Variants in MECOM observed in about 807,000 individuals in gnomAD.
MECOM encodes histone-lysine N-methyltransferase MECOM.
Under a neutral mutation model 116.3 loss-of-function variants are expected in MECOM, and 13 were observed. The observed-to-expected ratio is 0.11, with a 90% CI of 0.07 to 0.18. MECOM has a LOEUF of 0.18. Ranked by LOEUF, MECOM falls within the 10% of genes least tolerant of loss-of-function variation. MECOM has a pLI of 1.00. For missense variants in MECOM, 1,299 were observed against 1,509.0 expected (o/e 0.86, Z 2.31); for synonymous variants, 528 against 535.2 (o/e 0.99, Z 0.19).
At chr3:169,149,948 TG>T (rs1740911548) in intron 2 of MECOM, among the ~76,000 whole-genome samples, 1 of 148,380 alleles carries the variant, frequency 6.7e-6, no homozygotes, top group Non-Finnish European at 1.5e-5. Context: ...TGTGTGTGTG[TG>T]TGTGTGTGTG....
In MECOM at chr3:169,310,752, A is replaced by G. The variant is rs1042428137; in HGVS notation, c.375+70435T>C. On this transcript the variant is annotated intron_variant, in intron 2 of 16. Transcript: ENST00000651503. ...CACCACACACACATGCACACATGCG[A>G]TGACCTGTTCTCCTTTTAAATCTTA... Among the ~76,000 whole-genome samples the G allele has an allele frequency of 2.6e-5, 4 of 152,220 alleles. No individual in the cohort carries two copies. In the East Asian group the frequency reaches 7.7e-4, roughly 29 times the overall value.
At chr3:169,158,168 CT>C (rs1343608925) in intron 2 of MECOM, among the ~76,000 whole-genome samples, 1 of 152,140 alleles carries the variant, frequency 6.6e-6, no homozygotes, top group Non-Finnish European at 1.5e-5. Context: ...AGCTACGTAA[CT>C]TTTAAAAAAT....
Position 169,304,744 on chromosome 3 carries a change from C to T in MECOM, c.375+76443G>A, listed in dbSNP as rs1577654314. Among the ~76,000 whole-genome samples the T allele has an allele frequency of 2.0e-5, 3 of 152,306 alleles. No homozygotes were observed. The South Asian group carries it at 6.2e-4, about 32-fold the overall frequency. On this transcript the variant is annotated intron_variant, in intron 2 of 16. Coordinates refer to ENST00000651503, the MANE Select transcript of MECOM (RefSeq NM_004991.4). ...ATTAAGAAAGCCTTTCATTAGTTTG[C>T]TGATTATAAATATAACTTTGGTGTA...
chr3:169,355,455 C>T (rs543268600), intron 2 of MECOM, among the ~76,000 whole-genome samples: 1 of 151,968 alleles, frequency 6.6e-6, no homozygotes, highest in East Asian at 2.0e-4. Flanking sequence ...TAATCTTCTA[C>T]CAAACAACTT....
chr3:169,084,667 G>T lies in MECOM; in HGVS notation c.*242C>A, dbSNP rs932866600. On this transcript the variant is annotated 3_prime_UTR_variant, in exon 17 of 17. Transcript: ENST00000651503. ...TGTTTTCACTGAATCACTTTAAGTC[G>T]CATTGATTGATCTTCCAGAAGTCAG... The T allele has an allele frequency of 9.3e-6, 4 of 431,664 alleles. No individual in the cohort carries two copies. The highest frequency in any genetic ancestry group is 2.0e-5 in the African/African-American group (1 of 50,298). 26.7% of individuals were successfully genotyped at this position (431,664 alleles called of 1,614,324 possible).
chr3:169,301,091 G>C (rs1716633202), intron 2 of MECOM, among the ~76,000 whole-genome samples: 1 of 152,154 alleles, frequency 6.6e-6, no homozygotes, highest in South Asian at 2.1e-4. Flanking sequence ...ATGTTAGTTG[G>C]CTAATGTGGA....
At chr3:169,368,603 A>G (rs1296670833) in intron 2 of MECOM, among the ~76,000 whole-genome samples, 2 of 151,998 alleles carry the variant, frequency 1.3e-5, no homozygotes, top group African/African-American at 4.8e-5. Context: ...TCTAAGATAG[A>G]TTTGAATTGG....
intron 1 of MECOM, among the ~76,000 whole-genome samples, chr3:169,425,100 C>CCT (rs1553849467): frequency 2.9e-5 from 1 of 34,540 alleles, no homozygotes; most frequent in Non-Finnish European, 6.1e-5. Context: ...TTTGCAGAAA[C>CCT]CCCCCCCCAC....
chr3:169,549,647 C>T (rs1262729127), intron 1 of MECOM, among the ~76,000 whole-genome samples: 1 of 152,138 alleles, frequency 6.6e-6, no homozygotes, highest in African/African-American at 2.4e-5. Context: ...TGCCTGAGGC[C>T]CACCTTCTTG....
At chr3:169,584,244 T>C (rs1362792669) in intron 1 of MECOM, among the ~76,000 whole-genome samples, 2 of 152,280 alleles carry the variant, frequency 1.3e-5, no homozygotes, top group African/African-American at 2.4e-5. Context: ...AGAGTTGTTT[T>C]TTTAAGAAAC....
At chr3:169,347,881 C>T (rs138620407) in intron 2 of MECOM, among the ~76,000 whole-genome samples, 6 of 152,088 alleles carry the variant, frequency 3.9e-5, no homozygotes, top group African/African-American at 1.4e-4. Flanking sequence ...AAGCATGCTA[C>T]AGAATATGTG....
At position 169,116,455 on chromosome 3, in the gene MECOM, T is replaced by C. The variant is rs1223213277; in HGVS notation, c.1417A>G (p.Asn473Asp). 1.2e-6 allele frequency: 2 copies of C among 1,614,034 alleles called. No homozygotes were observed. Residue 473 changes from asparagine (N) to aspartate (D), a missense_variant, in exon 8 of 17, where the codon AAT becomes GAT. Asn to Asp is a conservative substitution (Grantham distance 23, BLOSUM62 1). Coordinates refer to ENST00000651503, the MANE Select transcript of MECOM (RefSeq NM_004991.4). ...NPGLADYFGA[N>D]RHPAGLTFPT... ...AAGGTAAGACCAGCAGGATGCCTAT[T>C]GGCGCCAAAATAGTCAGCAAGGCCC...
At chr3:169,421,381 G>T (rs756627356) in intron 1 of MECOM, among the ~76,000 whole-genome samples, 8 of 152,102 alleles carry the variant, frequency 5.3e-5, no homozygotes, top group Non-Finnish European at 1.0e-4. Context: ...AGTACTTCTA[G>T]ATTGCTGTGC....
At chr3:169,392,920 C>A (rs1405378479) in intron 1 of MECOM, among the ~76,000 whole-genome samples, 1 of 152,160 alleles carries the variant, frequency 6.6e-6, no homozygotes, top group South Asian at 2.1e-4. Flanking sequence ...CTCACTGATG[C>A]TTCCAAATAA....
intron 2 of MECOM, among the ~76,000 whole-genome samples, chr3:169,149,975 G>GTGTGTC (rs1359900377): frequency 2.5e-4 from 25 of 100,480 alleles, no homozygotes; most frequent in African/African-American, 8.2e-4. Context: ...GTGTGTGTGT[G>GTGTGTC]TGTCTGTCTG....
intron 2 of MECOM, among the ~76,000 whole-genome samples, chr3:169,171,442 T>C (rs1171396295): frequency 1.3e-5 from 2 of 152,182 alleles, no homozygotes; most frequent in Admixed American, 1.3e-4. Context: ...ACATAGTAGG[T>C]ATCCAATACA....
chr3:169,131,843 T>A, intron 3 of MECOM: 1 of 879,718 alleles, frequency 1.1e-6, no homozygotes, highest in Non-Finnish European at 1.4e-6. Context: ...CGAAGAACTT[T>A]CCCTTCTCTG....
chr3:169,210,364 CAAAAACA>C (rs1490414505), intron 2 of MECOM, among the ~76,000 whole-genome samples: 2 of 151,900 alleles, frequency 1.3e-5, no homozygotes, highest in Non-Finnish European at 2.9e-5. Context: ...CAAACAAACA[CAAAAACA>C]AAAAACAAAA....
chr3:169,124,132 G>A (rs1471196847), intron 5 of MECOM, among the ~76,000 whole-genome samples: 2 of 152,102 alleles, frequency 1.3e-5, no homozygotes, highest in Non-Finnish European at 2.9e-5. Context: ...AATCCATTAT[G>A]TGACTTCGGG....
Sources: gnomAD v4.1 joint callset for allele counts (sites outside exome capture counted in the v4.1 genomes callset) on GRCh38, gnomAD v4.1.1 for gene constraint, MANE v1.5 for transcripts, NCBI Gene and HGNC (gene_info 2026-07-23, HGNC 2026-07-21) for gene names.